Variants in PCMTD1 observed in about 807,000 individuals in gnomAD.
PCMTD1 encodes the protein protein-L-isoaspartate (D-aspartate) O-methyltransferase domain containing 1, also known as protein-L-isoaspartate O-methyltransferase domain-containing protein 1.
PCMTD1 carries 12 observed loss-of-function variants against 37.6 expected under a neutral mutation model. That is an observed-to-expected ratio of 0.32 (90% confidence interval 0.20 to 0.52). The LOEUF is 0.52. Ranked by LOEUF, PCMTD1 falls within the 20% of genes least tolerant of loss-of-function variation. The pLI is 0.97. For missense variants in PCMTD1, 235 were observed against 421.3 expected (o/e 0.56, Z 3.87); for synonymous variants, 117 against 135.8 (o/e 0.86, Z 0.96).
intron 2 of PCMTD1, among the ~76,000 whole-genome samples, chr8:51,853,078 AG>A (rs1342361398): frequency 1.2e-4 from 19 of 152,252 alleles, no homozygotes; most frequent in African/African-American, 4.6e-4. Context: ...TGTTACTTGA[AG>A]AAAGACGAAA....
At chr8:51,886,052 G>T (rs965590342) in intron 1 of PCMTD1, among the ~76,000 whole-genome samples, 2 of 152,206 alleles carry the variant, frequency 1.3e-5, no homozygotes, top group Non-Finnish European at 2.9e-5. Context: ...TAAAGCACAA[G>T]GCTCTTTCCT....
intron 1 of PCMTD1, among the ~76,000 whole-genome samples, chr8:51,868,181 G>GA (rs1488200980): frequency 2.0e-5 from 3 of 152,200 alleles, no homozygotes; most frequent in African/African-American, 7.2e-5. Flanking sequence ...GTGTGGGGGG[G>GA]TGTGGGAGAA....
intron 1 of PCMTD1, among the ~76,000 whole-genome samples, chr8:51,868,100 A>ATTATTC: frequency 6.6e-6 from 1 of 152,274 alleles, no homozygotes; most frequent in African/African-American, 2.4e-5. Context: ...TAAATATACA[A>ATTATTC]TTATTCTTTG....
chr8:51,871,370 G>GC (rs1403551241), intron 1 of PCMTD1, among the ~76,000 whole-genome samples: 2 of 152,292 alleles, frequency 1.3e-5, no homozygotes, highest in South Asian at 2.1e-4. Flanking sequence ...CATGCTCTGG[G>GC]CCATCAACTG....
At chr8:51,878,250 G>GTTTTTTTTTTTT (rs375362623) in intron 1 of PCMTD1, among the ~76,000 whole-genome samples, 3 of 139,180 alleles carry the variant, frequency 2.2e-5, no homozygotes, top group Non-Finnish European at 3.1e-5. Flanking sequence ...TTTTTTTTTG[G>GTTTTTTTTTTTT]TTTTTTTTTT....
At chr8:51,873,815 G>A (rs544583982) in intron 1 of PCMTD1, among the ~76,000 whole-genome samples, 3 of 152,028 alleles carry the variant, frequency 2.0e-5, no homozygotes, top group South Asian at 2.1e-4. Context: ...ACAGATGTCA[G>A]TACCCCACTT....
intron 1 of PCMTD1, among the ~76,000 whole-genome samples, chr8:51,875,841 AG>A (rs2038703744): frequency 6.6e-6 from 1 of 152,188 alleles, no homozygotes; most frequent in East Asian, 1.9e-4. Flanking sequence ...CCGAGACAGA[AG>A]GATCACTTGT....
rs1212843322 is a variant in PCMTD1 at position 51,831,449 on chromosome 8, C to G, written c.701G>C (p.Gly234Ala). The G allele has an allele frequency of 6.2e-7, 1 of 1,612,588 alleles. No individual in the cohort carries two copies. Among genetic ancestry groups the G allele is most frequent in the Non-Finnish European group, 8.5e-7 (1 of 1,179,550 alleles). Reference protein sequence around the residue: ...KNDNGKPDSVGLPPCAVRNLQ... With the variant: ...KNDNGKPDSVALPPCAVRNLQ... The stretch of plus-strand genomic sequence containing the variant: ...AAATATGAAGAGCTACTTACGGAGT[C>G]CCACAGAATCTGGTTTGCCATTATC... The change falls in exon 5 of 6, where the codon GGA becomes GCA. Residue 234 changes from glycine to alanine, a missense_variant. Around this residue, in one of 3 missense-constraint regions of PCMTD1, gnomAD observed 183 missense variants for 349.3 expected, o/e 0.52. Coordinates refer to ENST00000522514, the MANE Select transcript of PCMTD1 (RefSeq NM_052937.4).
At chr8:51,880,419 C>T (rs1177552756) in intron 1 of PCMTD1, among the ~76,000 whole-genome samples, 1 of 152,128 alleles carries the variant, frequency 6.6e-6, no homozygotes, top group Non-Finnish European at 1.5e-5. Flanking sequence ...GTATTTTCAT[C>T]TCTTACTATG....
intron 3 of PCMTD1, 36 bp downstream of exon 3, chr8:51,845,625 T>C: frequency 2.1e-6 from 3 of 1,462,754 alleles, no homozygotes; most frequent in South Asian, 1.1e-5. Context: ...ATCTATTAAG[T>C]GATTTTAAAC....
At chr8:51,896,571 G>T (rs2039004835) in intron 1 of PCMTD1, among the ~76,000 whole-genome samples, 1 of 152,034 alleles carries the variant, frequency 6.6e-6, no homozygotes, top group South Asian at 2.1e-4. Context: ...ATTTACCATG[G>T]CACCCAGCAG....
At chr8:51,888,569 T>C (rs2395857) in intron 1 of PCMTD1, among the ~76,000 whole-genome samples, 104,516 of 152,076 alleles carry the variant, frequency 0.69, 42,392 homozygotes, top group Non-Finnish European at 0.9. Flanking sequence ...GAATCAAATA[T>C]ATGCATGAAA....
At position 51,819,818 on chromosome 8, in the gene PCMTD1, A is replaced by G. The variant is rs1317295429; in HGVS notation, c.*533T>C. 2 of 152,636 alleles carry G rather than the reference A, an allele frequency of 1.3e-5. No individual in the cohort carries two copies. Among genetic ancestry groups the G allele is most frequent in the Admixed American group, 6.6e-5 (1 of 15,262 alleles). The allele number at this position is 152,636 out of a possible 1,614,324, so 9.5% of individuals were successfully genotyped here. On this transcript the variant is annotated 3_prime_UTR_variant, in exon 6 of 6. Transcript: ENST00000522514. ...GGATTTTTTAAAGCTAAATTATTCA[A>G]TATCTTGTATTGTTATTGCACTCAT...
At chr8:51,898,890 A>G in intron 1 of PCMTD1, 40 bp downstream of exon 1, 1 of 1,274,834 alleles carries the variant, frequency 7.8e-7, no homozygotes, top group Non-Finnish European at 9.9e-7. Context: ...CGGGACTCGC[A>G]CACCCCACGA....
chr8:51,895,532 G>A (rs1274927038), intron 1 of PCMTD1, among the ~76,000 whole-genome samples: 1 of 152,124 alleles, frequency 6.6e-6, no homozygotes, highest in African/African-American at 2.4e-5. Flanking sequence ...CTGGCTACCC[G>A]TGCATAATGT....
intron 5 of PCMTD1, among the ~76,000 whole-genome samples, chr8:51,821,617 T>A (rs2037849147): frequency 6.6e-6 from 1 of 152,190 alleles, no homozygotes; most frequent in African/African-American, 2.4e-5. Flanking sequence ...TCCCTGCACT[T>A]ATGCAACTTG....
intron 2 of PCMTD1, among the ~76,000 whole-genome samples, chr8:51,859,934 A>AT (rs2129286422): frequency 6.6e-6 from 1 of 152,250 alleles, no homozygotes; most frequent in East Asian, 1.9e-4. Flanking sequence ...ACCCCCCTAA[A>AT]TAATGCTCTA....
At chr8:51,866,557 G>C (rs1210799909) in intron 1 of PCMTD1, among the ~76,000 whole-genome samples, 1 of 151,808 alleles carries the variant, frequency 6.6e-6, no homozygotes, top group Non-Finnish European at 1.5e-5. Flanking sequence ...AAGTGCTGCT[G>C]GGAAAACTGG....
chr8:51,885,663 C>G (rs1183376122), intron 1 of PCMTD1, among the ~76,000 whole-genome samples: 1 of 152,146 alleles, frequency 6.6e-6, no homozygotes, highest in East Asian at 1.9e-4. Context: ...AATACAAATT[C>G]ACAAAGGAGC....
Sources: allele counts gnomAD v4.1 joint callset (sites outside exome capture counted in the v4.1 genomes callset), GRCh38; gene constraint gnomAD v4.1.1; regional missense constraint gnomAD v4.1.1; transcripts MANE v1.5; gene names NCBI Gene and HGNC (gene_info 2026-07-23, HGNC 2026-07-21).